Variants in NBEA observed in about 807,000 individuals in gnomAD.
NBEA encodes neurobeachin.
NBEA carries 44 observed loss-of-function variants against 343.4 expected under a neutral mutation model. That is an observed-to-expected ratio of 0.13 (90% CI 0.10 to 0.16). The LOEUF (loss-of-function observed/expected upper bound fraction) is 0.16, where lower values mean the gene tolerates loss of function less well. Among genes scored for constraint, NBEA ranks in the 10% least tolerant of loss-of-function variants. The pLI is 1.00. For missense variants in NBEA, 2,555 were observed against 3,631.3 expected, an observed-to-expected ratio of 0.70 and a Z score of 7.62; for synonymous variants, 1,175 against 1,238.7, an observed-to-expected ratio of 0.95 and a Z score of 1.08.
intron 41 of NBEA, among the ~76,000 whole-genome samples, chr13:35,489,655 C>T (rs2076433330): frequency 6.6e-6 from 1 of 151,844 alleles, no homozygotes; most frequent in South Asian, 2.1e-4. Flanking sequence ...CTTTACGTTA[C>T]TTATTAGTCC....
intron 35 of NBEA, among the ~76,000 whole-genome samples, chr13:35,299,455 T>C (rs911955797): frequency 1.3e-5 from 2 of 152,160 alleles, no homozygotes; most frequent in African/African-American, 4.8e-5. Flanking sequence ...GAAGAGAACA[T>C]AGGGATTTTA....
intron 40 of NBEA, among the ~76,000 whole-genome samples, chr13:35,461,116 C>T (rs1164820664): frequency 1.3e-5 from 2 of 152,296 alleles, no homozygotes; most frequent in Non-Finnish European, 2.9e-5. Flanking sequence ...TTAAAGGCAC[C>T]ACTTCTCAAT....
chr13:35,317,660 A>T (rs182241856), intron 36 of NBEA, among the ~76,000 whole-genome samples: 85 of 152,268 alleles, frequency 5.6e-4, no homozygotes, highest in African/African-American at 2.4e-5. Context: ...TGGTAGCTTG[A>T]TGGGGATAGC....
chr13:35,132,647 A>G (rs1284786903), intron 17 of NBEA, among the ~76,000 whole-genome samples: 1 of 152,246 alleles, frequency 6.6e-6, no homozygotes, highest in Non-Finnish European at 1.5e-5. Context: ...AAGAAGCCAG[A>G]TGCAAAAACT....
chr13:35,272,755 A>G (rs2034265534), intron 34 of NBEA, among the ~76,000 whole-genome samples: 1 of 152,178 alleles, frequency 6.6e-6, no homozygotes, highest in African/African-American at 2.4e-5. Context: ...CAAAAGAAAC[A>G]AAGAAGGCCA....
At chr13:35,590,820 T>C (rs943829875) in intron 46 of NBEA, among the ~76,000 whole-genome samples, 6 of 152,074 alleles carry the variant, frequency 3.9e-5, no homozygotes, top group African/African-American at 1.4e-4. Flanking sequence ...TCAAACCTAC[T>C]AGTAGTTAAG....
chr13:35,281,751 A>G (rs983691031), intron 34 of NBEA, among the ~76,000 whole-genome samples: 2 of 152,118 alleles, frequency 1.3e-5, no homozygotes, highest in Non-Finnish European at 2.9e-5. Flanking sequence ...TACAAAAGCT[A>G]CCTGAAATTT....
chr13:35,386,313 A>G (rs1033704519), intron 38 of NBEA, among the ~76,000 whole-genome samples: 1 of 152,142 alleles, frequency 6.6e-6, no homozygotes, highest in African/African-American at 2.4e-5. Flanking sequence ...CAAAATTCCT[A>G]TTAACAGAAT....
intron 34 of NBEA, among the ~76,000 whole-genome samples, chr13:35,289,904 G>C (rs2035693502): frequency 6.6e-6 from 1 of 151,606 alleles, no homozygotes; most frequent in Non-Finnish European, 1.5e-5. Flanking sequence ...TTTAATAACT[G>C]ATAAGCTATT....
Position 35,145,807 on chromosome 13 carries a change from G to A in NBEA, c.2445+3430G>A, listed in dbSNP as rs557835994. Among the ~76,000 whole-genome samples, 3 of 152,276 alleles carry A rather than the reference G, an allele frequency of 2.0e-5. No homozygotes were observed. The East Asian group carries it at 5.8e-4, about 29-fold the overall frequency. On this transcript the variant is annotated intron_variant, in intron 18 of 58. Transcript: ENST00000379939. ...CACTTTAGGATGTAAGGGAATTACA[G>A]CCTCATTAATGGTTCATAAGCCTTG...
At chr13:35,497,136 A>C (rs1051494780) in intron 41 of NBEA, among the ~76,000 whole-genome samples, 2 of 152,028 alleles carry the variant, frequency 1.3e-5, no homozygotes, top group African/African-American at 4.8e-5. Context: ...GTCCAGGATC[A>C]CCTCCAATAG....
intron 52 of NBEA, 63 bp downstream of exon 52, chr13:35,649,910 A>T (rs900099415): frequency 5.2e-6 from 7 of 1,336,316 alleles, no homozygotes; most frequent in South Asian, 3.8e-5. Flanking sequence ...AAAGTAAAAA[A>T]GTGTACTGGG....
chr13:35,164,235 A>G (rs2069811191), intron 23 of NBEA, 121 bp from the exon 24 acceptor site: 2 of 842,096 alleles, frequency 2.4e-6, no homozygotes, highest in Non-Finnish European at 3.5e-6. Flanking sequence ...TTTATTTTAT[A>G]ATTTAATTTT....
At chr13:35,505,867 A>G (rs2077054702) in intron 41 of NBEA, among the ~76,000 whole-genome samples, 1 of 152,168 alleles carries the variant, frequency 6.6e-6, no homozygotes, top group Non-Finnish European at 1.5e-5. Context: ...TTTAGTCTGC[A>G]TGTTCAACTT....
At chr13:34,975,006 C>G (rs1315196158) in intron 1 of NBEA, among the ~76,000 whole-genome samples, 1 of 152,168 alleles carries the variant, frequency 6.6e-6, no homozygotes, top group Non-Finnish European at 1.5e-5. Context: ...ATGTAGTCCT[C>G]ATACTATCAC....
Position 35,117,425 on chromosome 13 carries a change from C to A in NBEA, c.2014C>A (p.Pro672Thr). The change falls in exon 14 of 59, where the codon CCA becomes ACA. Residue 672 changes from proline to threonine, a missense_variant. By Grantham distance (38) the Pro-to-Thr change is conservative. Transcript: ENST00000379939. ...ITPKGLDGPR[P>T]SQKEIISLRA... is the part of the protein sequence containing the mutation. ...CTGTTTTGTTCTAGATGGTCCCCGG[C>A]CATCACAAAAAGAAATTATATCACT... The A allele has an allele frequency of 7.3e-7, 1 of 1,372,780 alleles. No homozygotes were observed. The highest frequency in any genetic ancestry group is 2.0e-5 in the South Asian group (1 of 49,468). 85.0% of individuals were successfully genotyped at this position (1,372,780 alleles called of 1,614,324 possible).
chr13:35,219,659 G>C (rs1334499765), intron 33 of NBEA, among the ~76,000 whole-genome samples: 3 of 152,246 alleles, frequency 2.0e-5, no homozygotes, highest in Non-Finnish European at 4.4e-5. Flanking sequence ...CCAATGTGTA[G>C]TTCTAATCAA....
intron 6 of NBEA, 94 bp from the exon 7 acceptor site, chr13:35,055,916 C>A: frequency 1.0e-6 from 1 of 971,274 alleles, no homozygotes; most frequent in Non-Finnish European, 1.4e-6. Flanking sequence ...GTCCTGTCAG[C>A]ATATTCTTGT....
intron 34 of NBEA, among the ~76,000 whole-genome samples, chr13:35,237,021 G>A (rs1378107763): frequency 6.6e-6 from 1 of 151,978 alleles, no homozygotes; most frequent in Non-Finnish European, 1.5e-5. Context: ...TTCTTGGGAG[G>A]CGAAAGCAGA....
Sources: allele counts gnomAD v4.1 joint callset (sites outside exome capture counted in the v4.1 genomes callset), GRCh38; gene constraint gnomAD v4.1.1; transcripts MANE v1.5; gene names NCBI Gene and HGNC (gene_info 2026-07-23, HGNC 2026-07-21).